The following ENTPD1 variants were observed in gnomAD, a reference collection of about 807,000 sequenced individuals.
ENTPD1 encodes ATP diphosphohydrolase.
A neutral mutation model predicts 57.0 loss-of-function variants in ENTPD1; 33 were observed. That is an observed-to-expected ratio of 0.58 (90% CI 0.44 to 0.77). ENTPD1 has a LOEUF of 0.77. ENTPD1 is among the 30% of genes least tolerant of loss of function. ENTPD1 has a pLI of 0.00. For missense variants in ENTPD1, 501 were observed against 603.4 expected, an observed-to-expected ratio of 0.83 and a Z score of 1.78; for synonymous variants, 202 against 218.8, an observed-to-expected ratio of 0.92 and a Z score of 0.68.
rs1039586270 is a variant in ENTPD1, at chr10:95,871,830, A to G, written c.*5447A>G. The G allele has an allele frequency of 1.0e-6, 1 of 985,330 alleles. No homozygotes were observed. Among genetic ancestry groups the G allele is most frequent in the East Asian group, 1.1e-4 (1 of 8,830 alleles). 61.0% of individuals were successfully genotyped at this position (985,330 alleles called of 1,614,324 possible). A position where few individuals can be genotyped will look rare whatever the true frequency, so the allele number is the denominator to read the frequency against. ...TTCATCAGAGAACATGTATTAGTCA[A>G]TGGTAAGTAAGATACTCTCATCTAA... On this transcript the variant is annotated 3_prime_UTR_variant, in exon 10 of 10. Transcript: ENST00000371205.
chr10:95,793,117 T>A (rs1218807466), intron 1 of ENTPD1, among the ~76,000 whole-genome samples: 4 of 152,234 alleles, frequency 2.6e-5, no homozygotes, highest in African/African-American at 9.6e-5. Context: ...AGCAATTTCC[T>A]CACTGCTATT....
At chr10:95,724,970 C>T (rs964949016) in intron 1 of ENTPD1, among the ~76,000 whole-genome samples, 1 of 152,190 alleles carries the variant, frequency 6.6e-6, no homozygotes, top group Non-Finnish European at 1.5e-5. Context: ...GTCTGGGACA[C>T]CTCTTACATG....
chr10:95,803,860 T>C (rs1048986525), intron 1 of ENTPD1, among the ~76,000 whole-genome samples: 1 of 152,104 alleles, frequency 6.6e-6, no homozygotes, highest in Non-Finnish European at 1.5e-5. Context: ...TCTTTAATCC[T>C]TCTTGAATTA....
the ENTPD1 span, among the ~76,000 whole-genome samples, chr10:95,696,549 G>A: frequency 6.6e-6 from 1 of 152,138 alleles, no homozygotes; most frequent in Non-Finnish European, 1.5e-5. Flanking sequence ...CGAAGTGTTG[G>A]GATTACAGGC....
At chr10:95,766,883 CTT>C (rs377239129) in intron 1 of ENTPD1, among the ~76,000 whole-genome samples, 26 of 142,710 alleles carry the variant, frequency 1.8e-4, no homozygotes, top group Non-Finnish European at 2.0e-4. Context: ...TTGTAGCAAT[CTT>C]TTTTTTTTTT....
Position 95,873,677 on chromosome 10 carries a change from A to T in ENTPD1, c.*7294A>T. The T allele has an allele frequency of 2.0e-6, 2 of 985,438 alleles. No homozygotes were observed. The highest frequency in any genetic ancestry group is 2.4e-6 in the Non-Finnish European group (2 of 829,930). 61.0% of individuals were successfully genotyped at this position (985,438 alleles called of 1,614,324 possible). A position where few individuals can be genotyped will look rare whatever the true frequency, so the allele number is the denominator to read the frequency against. ...CTAATCATGTTCAATAGTTACATTT[A>T]GATTGGTTTTTAAAAACTATGATTG... is the stretch of plus-strand genomic sequence containing the variant. On this transcript the variant is annotated 3_prime_UTR_variant, in exon 10 of 10. Transcript: ENST00000371205.
intron 1 of ENTPD1, among the ~76,000 whole-genome samples, chr10:95,788,117 G>A (rs2140241773): frequency 6.6e-6 from 1 of 152,310 alleles, no homozygotes; most frequent in East Asian, 1.9e-4. Context: ...ATATGATTGA[G>A]AAGGTAGGAG....
At chr10:95,855,919 A>T (rs1175726272) in intron 7 of ENTPD1, among the ~76,000 whole-genome samples, 1 of 151,956 alleles carries the variant, frequency 6.6e-6, no homozygotes, top group Non-Finnish European at 1.5e-5. Flanking sequence ...TGTGTCTTGG[A>T]GTTGCTCTTC....
At chr10:95,753,488 A>C (rs1424201799), upstream of ENTPD1, 1 of 152,230 alleles carries the variant, frequency 6.6e-6, no homozygotes, top group Non-Finnish European at 1.5e-5. Flanking sequence ...AGTTTGGATG[A>C]ACTTCAAATA....
chr10:95,817,735 C>A (rs972776842), intron 1 of ENTPD1, among the ~76,000 whole-genome samples: 1 of 152,172 alleles, frequency 6.6e-6, no homozygotes, highest in African/African-American at 2.4e-5. Context: ...TTCCTTTTTA[C>A]CTTCCTTGCT....
the ENTPD1 span, among the ~76,000 whole-genome samples, chr10:95,696,305 G>C: frequency 6.6e-6 from 1 of 152,008 alleles, no homozygotes; most frequent in South Asian, 2.1e-4. Flanking sequence ...TTATTTGAGA[G>C]AGTCTTGCCC....
intron 6 of ENTPD1, 167 bp downstream of exon 6, chr10:95,845,763 T>C: frequency 8.9e-7 from 1 of 1,125,330 alleles, no homozygotes. Context: ...CCCTATAAAT[T>C]GTTTCAGTCA....
chr10:95,713,985 A>G (rs1317413621), intron 1 of ENTPD1, among the ~76,000 whole-genome samples: 1 of 152,230 alleles, frequency 6.6e-6, no homozygotes, highest in Non-Finnish European at 1.5e-5. Context: ...TGTCACCATT[A>G]TCACAGAAAT....
chr10:95,774,130 T>C (rs1023404821), intron 1 of ENTPD1, among the ~76,000 whole-genome samples: 1 of 152,272 alleles, frequency 6.6e-6, no homozygotes, highest in Non-Finnish European at 1.5e-5. Flanking sequence ...CATAGATGTC[T>C]TCTTTTGAGA....
At chr10:95,702,335 G>T in the ENTPD1 span, among the ~76,000 whole-genome samples, 4 of 151,984 alleles carry the variant, frequency 2.6e-5, no homozygotes, top group African/African-American at 7.3e-5. Context: ...TCCTAGAACT[G>T]AAAAGTACAA....
In ENTPD1 at chr10:95,871,946, T is replaced by A; in HGVS notation, c.*5563T>A. On this transcript the variant is annotated 3_prime_UTR_variant, in exon 10 of 10. Coordinates refer to ENST00000371205, the MANE Select transcript of ENTPD1 (RefSeq NM_001776.6). ...TCAGGGAATAGTGTGTATTTGCAAT[T>A]ACCTAAACTGAACTCTACCATTACT... 3 of 985,408 alleles carry A rather than the reference T, an allele frequency of 3.0e-6. No individual in the cohort carries two copies. The highest frequency in any genetic ancestry group is 3.6e-6 in the Non-Finnish European group (3 of 829,930). 61.0% of individuals were successfully genotyped at this position (985,408 alleles called of 1,614,324 possible).
At chr10:95,726,103 TGGAGAC>T (rs1367499817) in intron 1 of ENTPD1, among the ~76,000 whole-genome samples, 19 of 152,346 alleles carry the variant, frequency 1.2e-4, no homozygotes, top group African/African-American at 4.3e-4. Context: ...CCCAAAGTTT[TGGAGAC>T]TTTTCATGAA....
At chr10:95,760,811 A>ATCCTTTTT (rs2098055399) in intron 1 of ENTPD1, among the ~76,000 whole-genome samples, 2 of 48,424 alleles carry the variant, frequency 4.1e-5, no homozygotes, top group African/African-American at 1.6e-4. Flanking sequence ...CATAGAGTTT[A>ATCCTTTTT]TTCTTTTTTT....
intron 3 of ENTPD1, among the ~76,000 whole-genome samples, chr10:95,840,743 C>A (rs1483650465): frequency 1.3e-5 from 2 of 152,138 alleles, no homozygotes; most frequent in Admixed American, 6.5e-5. Flanking sequence ...AGCTTTCAAT[C>A]CCTTTACCCA....
Sources: gnomAD v4.1 joint callset for allele counts (sites outside exome capture counted in the v4.1 genomes callset) on GRCh38, gnomAD v4.1.1 for gene constraint, MANE v1.5 for transcripts, NCBI Gene and HGNC (gene_info 2026-07-23, HGNC 2026-07-21) for gene names.